Variants in LIMCH1 observed in about 807,000 individuals in gnomAD.
LIMCH1 encodes LIM and calponin homology domains 1, also known as LIM and calponin homology domains-containing protein 1.
Under a neutral mutation model 176.5 loss-of-function variants are expected in LIMCH1, and 113 were observed. The ratio of observed to expected loss-of-function variants is 0.64; its 90% CI spans 0.55 to 0.75. LIMCH1 has a LOEUF of 0.75. Among genes scored for constraint, LIMCH1 ranks in the 30% least tolerant of loss-of-function variants. The probability of loss-of-function intolerance (pLI) is 0.00; values close to 1 mark genes in which losing one functional copy is unlikely to be tolerated. For missense variants in LIMCH1, 1,674 were observed against 1,814.9 expected, an observed-to-expected ratio of 0.92 and a Z score of 1.41; for synonymous variants, 619 against 645.9, an observed-to-expected ratio of 0.96 and a Z score of 0.63.
intron 1 of LIMCH1, among the ~76,000 whole-genome samples, chr4:41,582,015 A>G (rs976004203): frequency 1.3e-5 from 2 of 152,306 alleles, no homozygotes; most frequent in African/African-American, 4.8e-5. Flanking sequence ...CATCCATTGA[A>G]GGACACATAG....
chr4:41,648,478 A>G (rs931941445), intron 17 of LIMCH1, among the ~76,000 whole-genome samples: 3 of 152,174 alleles, frequency 2.0e-5, no homozygotes, highest in Admixed American at 2.0e-4. Context: ...ATTACTCCTC[A>G]TCACTCACTA....
intron 1 of LIMCH1, among the ~76,000 whole-genome samples, chr4:41,367,866 TAAAAAA>T (rs750045066): frequency 3.3e-5 from 3 of 90,946 alleles, no homozygotes; most frequent in African/African-American, 8.0e-5. Context: ...GACTCCATCA[TAAAAAA>T]AAAAAAAAAA....
intron 2 of LIMCH1, among the ~76,000 whole-genome samples, chr4:41,504,769 C>T (rs1411455981): frequency 6.6e-6 from 1 of 152,152 alleles, no homozygotes; most frequent in East Asian, 1.9e-4. Context: ...TATCTAAGGA[C>T]ATATATTTAA....
rs1415880567 is a variant in LIMCH1 at position 41,620,646 on chromosome 4, G to A, written c.681G>A (p.Glu227=). The part of the protein sequence containing the change: ...AAEIQKRKRL[E]QAGIKVMPAA... ...AGATCCAAAAGCGCAAAAGGCTAGA[G>A]CAAGCTGGAATCAAGGTCATGCCAG... The change falls in exon 7 of 32, where the codon GAG becomes GAA. Residue 227 remains glutamate (E), a synonymous_variant. Transcript: ENST00000503057. The A allele has an allele frequency of 4.6e-6, 7 of 1,536,180 alleles. No homozygotes were observed. The highest frequency in any genetic ancestry group is 6.1e-6 in the Non-Finnish European group (7 of 1,146,916).
At chr4:41,442,078 G>A (rs1305710124) in intron 1 of LIMCH1, among the ~76,000 whole-genome samples, 1 of 152,138 alleles carries the variant, frequency 6.6e-6, no homozygotes, top group Non-Finnish European at 1.5e-5. Flanking sequence ...AGCAATTTGG[G>A]AGGCCGAGGT....
At chr4:41,644,321 A>G (rs180844119) in intron 14 of LIMCH1, among the ~76,000 whole-genome samples, 179 bp from the exon 15 acceptor site, 2,880 of 152,194 alleles carry the variant, frequency 0.019, 32 homozygotes, top group Non-Finnish European at 0.023. Flanking sequence ...GTGGGGTGCC[A>G]GCACGCCCAC....
chr4:41,363,974 G>A (rs770649879), intron 1 of LIMCH1, among the ~76,000 whole-genome samples: 1 of 152,164 alleles, frequency 6.6e-6, no homozygotes, highest in Non-Finnish European at 1.5e-5. Context: ...GCAGAACACA[G>A]TAGGTGAGAG....
intron 14 of LIMCH1, among the ~76,000 whole-genome samples, chr4:41,641,409 A>G (rs182499988): frequency 2.0e-5 from 3 of 151,892 alleles, no homozygotes; most frequent in East Asian, 3.9e-4. Context: ...TGGCATAAAT[A>G]TATCACTCAT....
At chr4:41,674,789 A>T (rs574752298) in intron 22 of LIMCH1, among the ~76,000 whole-genome samples, 1 of 152,312 alleles carries the variant, frequency 6.6e-6, no homozygotes, top group South Asian at 2.1e-4. Flanking sequence ...ATTGAATACC[A>T]TCCTAAAAGT....
chr4:41,482,825 C>T (rs1170648957), intron 1 of LIMCH1, among the ~76,000 whole-genome samples: 1 of 152,090 alleles, frequency 6.6e-6, no homozygotes, highest in Non-Finnish European at 1.5e-5. Context: ...GAGTAGGTTC[C>T]ATTAGCATGT....
chr4:41,607,144 G>T (rs1055870451), intron 4 of LIMCH1, among the ~76,000 whole-genome samples: 1 of 152,182 alleles, frequency 6.6e-6, no homozygotes, highest in African/African-American at 2.4e-5. Context: ...ACAAATAATT[G>T]AGGCCTTACT....
intron 5 of LIMCH1, among the ~76,000 whole-genome samples, chr4:41,617,657 G>C (rs1021747463): frequency 1.3e-5 from 2 of 152,164 alleles, no homozygotes; most frequent in African/African-American, 4.8e-5. Flanking sequence ...TTCATAAACT[G>C]AATATTTCAT....
chr4:41,574,720 G>C (rs1276879840), intron 1 of LIMCH1, among the ~76,000 whole-genome samples: 1 of 152,114 alleles, frequency 6.6e-6, no homozygotes, highest in African/African-American at 2.4e-5. Flanking sequence ...AATGTGGCTC[G>C]AGTATTCTAT....
intron 1 of LIMCH1, among the ~76,000 whole-genome samples, chr4:41,427,512 G>A (rs1189169710): frequency 6.6e-6 from 1 of 152,172 alleles, no homozygotes; most frequent in South Asian, 2.1e-4. Flanking sequence ...GTTCCGAGCA[G>A]TGACCTCCGC....
intron 24 of LIMCH1, among the ~76,000 whole-genome samples, chr4:41,680,668 TG>T (rs1714961467): frequency 6.6e-6 from 1 of 152,248 alleles, no homozygotes; most frequent in South Asian, 2.1e-4. Flanking sequence ...CAATACTTTT[TG>T]TGCATAATCA....
chr4:41,384,875 A>G, intron 1 of LIMCH1, among the ~76,000 whole-genome samples: 1 of 152,170 alleles, frequency 6.6e-6, no homozygotes, highest in East Asian at 1.9e-4. Context: ...TATGCTTGAC[A>G]ATATGATAGA....
chr4:41,571,832 T>C (rs2083609839), intron 1 of LIMCH1, among the ~76,000 whole-genome samples: 1 of 152,090 alleles, frequency 6.6e-6, no homozygotes, highest in Non-Finnish European at 1.5e-5. Flanking sequence ...TTTTATAGGG[T>C]TTGATGTCAA....
intron 1 of LIMCH1, among the ~76,000 whole-genome samples, chr4:41,384,603 A>G (rs2056232014): frequency 6.6e-6 from 1 of 152,176 alleles, no homozygotes; most frequent in South Asian, 2.1e-4. Context: ...GATTAAGTTG[A>G]TGCAACATTT....
intron 1 of LIMCH1, among the ~76,000 whole-genome samples, chr4:41,411,727 G>A (rs2059499245): frequency 1.3e-5 from 2 of 151,724 alleles, no homozygotes; most frequent in South Asian, 2.1e-4. Context: ...TTAGGAGGCC[G>A]GGGCGGGCAG....
Sources: allele counts gnomAD v4.1 joint callset (sites outside exome capture counted in the v4.1 genomes callset), GRCh38; gene constraint gnomAD v4.1.1; transcripts MANE v1.5; gene names NCBI Gene and HGNC (gene_info 2026-07-23, HGNC 2026-07-21).